Variants in ATP13A3 observed in about 807,000 individuals in gnomAD.
ATP13A3 encodes polyamine-transporting ATPase 13A3.
In ATP13A3, 59 loss-of-function variants were observed where a neutral mutation model predicts 158.1. The ratio of observed to expected loss-of-function variants is 0.37; its 90% CI spans 0.30 to 0.46. The LOEUF is 0.46. Among genes scored for constraint, ATP13A3 ranks in the 20% least tolerant of loss-of-function variants. The pLI is 1.00. For missense variants in ATP13A3, 1,166 were observed against 1,525.2 expected (o/e 0.76, Z 3.92); for synonymous variants, 491 against 504.3 (o/e 0.97, Z 0.35).
At position 194,462,011 on chromosome 3, in the gene ATP13A3, T is replaced by A. The variant is rs940904189; in HGVS notation, c.51+129A>T. 88 of 801,324 alleles carry A rather than the reference T, an allele frequency of 1.1e-4. 1 individual carries two copies. The South Asian group carries it at 1.4e-3, about 12-fold the overall frequency. 49.6% of individuals were successfully genotyped at this position (801,324 alleles called of 1,614,324 possible). Reference sequence around the variant, plus strand: ...ACAATCCCAATTCAAAAGCACAGGATGAAGAAAGAAGCCCATTGAGTTAGC... The same window carrying A: ...ACAATCCCAATTCAAAAGCACAGGAAGAAGAAAGAAGCCCATTGAGTTAGC... On this transcript the variant is annotated intron_variant, in intron 3 of 33. Transcript: ENST00000645319.
chr3:194,413,530 A>G (rs933549738), intron 32 of ATP13A3, among the ~76,000 whole-genome samples: 11 of 152,182 alleles, frequency 7.2e-5, no homozygotes, highest in African/African-American at 2.4e-4. Context: ...TTATTATCAC[A>G]TTGCTTATTT....
At chr3:194,432,354 C>A (rs1452443092) in intron 21 of ATP13A3, among the ~76,000 whole-genome samples, 2 of 152,080 alleles carry the variant, frequency 1.3e-5, no homozygotes, top group African/African-American at 4.8e-5. Flanking sequence ...GTAATAAGAA[C>A]AGGTGTAAAC....
intron 15 of ATP13A3, 78 bp from the exon 16 acceptor site, chr3:194,441,539 T>G: frequency 7.5e-7 from 1 of 1,335,456 alleles, no homozygotes. Context: ...TTTCTGGTTT[T>G]GTAATTAAAA....
intron 2 of ATP13A3, among the ~76,000 whole-genome samples, chr3:194,485,056 C>CAA (rs202057558): frequency 3.3e-5 from 4 of 119,414 alleles, no homozygotes; most frequent in Admixed American, 1.8e-4. Context: ...GATGCCATCT[C>CAA]AAAAAAAAAA....
chr3:194,446,979 C>T lies in ATP13A3; in HGVS notation c.1445G>A (p.Ser482Asn), dbSNP rs1368214330. The T allele has an allele frequency of 1.2e-6, 2 of 1,613,558 alleles. No individual in the cohort carries two copies. Among genetic ancestry groups the T allele is most frequent in the Admixed American group, 1.7e-5 (1 of 59,778 alleles). ...RLKKIGIFCISPQRINICGQL... is the reference protein window; with the variant it reads ...RLKKIGIFCINPQRINICGQL... The stretch of plus-strand genomic sequence containing the variant: ...TCCACAAATATTTATTCTTTGAGGA[C>T]TGATACAGAAAATACCGATTTTTTT... The change falls in exon 14 of 34, where the codon AGT becomes AAT. Residue 482 changes from serine (S) to asparagine (N), a missense_variant. Physicochemically the swap from Ser to Asn is conservative, Grantham distance 46 (BLOSUM62 1). Around this residue, in one of 3 missense-constraint regions of ATP13A3, gnomAD observed 997 missense variants for 1,341.2 expected, o/e 0.74. Transcript: ENST00000645319.
chr3:194,486,260 T>C (rs1720965393), intron 1 of ATP13A3, among the ~76,000 whole-genome samples: 1 of 141,420 alleles, frequency 7.1e-6, no homozygotes, highest in Non-Finnish European at 1.5e-5. Flanking sequence ...CCAGCACCCC[T>C]ACGCCTCTGC....
chr3:194,447,760 C>T, intron 13 of ATP13A3, 92 bp downstream of exon 13: 1 of 1,164,656 alleles, frequency 8.6e-7, no homozygotes, highest in Non-Finnish European at 1.2e-6. Flanking sequence ...AATTTTAGTT[C>T]CTCATTCTCA....
chr3:194,463,041 C>T (rs750604829), intron 2 of ATP13A3, among the ~76,000 whole-genome samples: 152 of 152,192 alleles, frequency 1.0e-3, no homozygotes, highest in Non-Finnish European at 1.4e-3. Context: ...ATGGCACTAG[C>T]AATGAAACCA....
chr3:194,428,945 T>C (rs1717013223), intron 27 of ATP13A3, 28 bp from the exon 28 acceptor site: 2 of 1,442,314 alleles, frequency 1.4e-6, no homozygotes, highest in Non-Finnish European at 1.9e-6. Flanking sequence ...AAAACATTAT[T>C]AGTTTTTGGG....
Position 194,430,056 on chromosome 3 carries a change from T to G in ATP13A3, c.2777+16A>C, listed in dbSNP as rs759941211. On this transcript the variant is annotated intron_variant, in intron 26 of 33. Coordinates refer to ENST00000645319, the MANE Select transcript of ATP13A3 (RefSeq NM_001367549.1). ...GACAGAGAAAAAGGGATGAGAAAAA[T>G]TTTAATTTGTACTACCTGATAAGGT... 2 of 1,591,862 alleles carry G rather than the reference T, an allele frequency of 1.3e-6. No homozygotes were observed. Among genetic ancestry groups the G allele is most frequent in the Non-Finnish European group, 1.7e-6 (2 of 1,167,796 alleles).
Position 194,486,866 on chromosome 3 carries a change from G to C in ATP13A3, c.-389C>G, listed in dbSNP as rs1721008199. ...AGGGCGGCGGGAGGTGGGCAGGGGA[G>C]GGGGGCGGTCTGCACTCCGAAACGG... On this transcript the variant is annotated 5_prime_UTR_variant, in exon 1 of 34. Coordinates refer to ENST00000645319, the MANE Select transcript of ATP13A3 (RefSeq NM_001367549.1). The C allele has an allele frequency of 1.3e-5, 2 of 151,708 alleles. No individual in the cohort carries two copies. The highest frequency in any genetic ancestry group is 4.8e-5 in the African/African-American group (2 of 41,338). The allele number at this position is 151,708 out of a possible 1,614,324, so 9.4% of individuals were successfully genotyped here.
At chr3:194,425,051 G>A (rs930442385) in intron 30 of ATP13A3, among the ~76,000 whole-genome samples, 4 of 152,112 alleles carry the variant, frequency 2.6e-5, no homozygotes, top group Non-Finnish European at 4.4e-5. Context: ...AGGAACCTCC[G>A]TCTCCACTTC....
intron 31 of ATP13A3, among the ~76,000 whole-genome samples, chr3:194,414,565 AGT>A (rs1413023601): frequency 6.6e-6 from 1 of 152,192 alleles, no homozygotes; most frequent in Non-Finnish European, 1.5e-5. Flanking sequence ...AAACAATCTA[AGT>A]GTTCACTTTA....
intron 6 of ATP13A3, chr3:194,459,243 C>A: frequency 2.1e-6 from 1 of 481,992 alleles, no homozygotes. Flanking sequence ...TGGCATCATA[C>A]TGACTCTAAG....
intron 33 of ATP13A3, among the ~76,000 whole-genome samples, chr3:194,411,638 G>T (rs1481779514): frequency 6.6e-6 from 1 of 151,594 alleles, no homozygotes; most frequent in African/African-American, 2.4e-5. Context: ...CTAAACCACG[G>T]TTTGTATGAA....
At chr3:194,469,704 T>G (rs1720211551) in intron 2 of ATP13A3, among the ~76,000 whole-genome samples, 4 of 152,182 alleles carry the variant, frequency 2.6e-5, no homozygotes, top group Admixed American at 2.6e-4. Context: ...AAATATTTGA[T>G]AAACCCATCT....
chr3:194,466,284 C>T (rs2108999298), intron 2 of ATP13A3, among the ~76,000 whole-genome samples: 1 of 152,130 alleles, frequency 6.6e-6, no homozygotes, highest in Admixed American at 6.6e-5. Flanking sequence ...AAAGAGGAAA[C>T]GTCACTGAAA....
chr3:194,407,523 C>A (rs774249810), intron 33 of ATP13A3, among the ~76,000 whole-genome samples: 3 of 152,170 alleles, frequency 2.0e-5, no homozygotes, highest in Non-Finnish European at 2.9e-5. Flanking sequence ...CAGGAACCTA[C>A]CACTCTCTCC....
At chr3:194,410,320 A>AC (rs1283230519) in intron 33 of ATP13A3, among the ~76,000 whole-genome samples, 5,187 of 125,934 alleles carry the variant, frequency 0.041, 363 homozygotes, top group East Asian at 0.13. Context: ...AAAAAAAAAA[A>AC]AAAAAAAAAA....
Sources: allele counts gnomAD v4.1 joint callset (sites outside exome capture counted in the v4.1 genomes callset), GRCh38; gene constraint gnomAD v4.1.1; regional missense constraint gnomAD v4.1.1; transcripts MANE v1.5; gene names NCBI Gene and HGNC (gene_info 2026-07-23, HGNC 2026-07-21).